The following SLC6A11 variants were observed in gnomAD, a reference collection of about 807,000 sequenced individuals.
SLC6A11 encodes the protein sodium- and chloride-dependent GABA transporter 3.
A neutral mutation model predicts 74.8 loss-of-function variants in SLC6A11; 25 were observed. That is an observed-to-expected ratio of 0.33 (90% CI 0.24 to 0.47). SLC6A11 has a LOEUF of 0.47. SLC6A11 is among the 20% of genes least tolerant of loss of function. The pLI is 1.00. For missense variants in SLC6A11, 574 were observed against 837.0 expected, an observed-to-expected ratio of 0.69 and a Z score of 3.88; for synonymous variants, 330 against 330.2, an observed-to-expected ratio of 1.00 and a Z score of 0.01.
chr3:10,891,639 T>A (rs1182064279), intron 6 of SLC6A11, among the ~76,000 whole-genome samples: 1 of 152,208 alleles, frequency 6.6e-6, no homozygotes, highest in East Asian at 1.9e-4. Flanking sequence ...GTCCAACTTC[T>A]TCTTTTGTTG....
chr3:10,888,361 A>T lies in SLC6A11; in HGVS notation c.891+13266A>T, dbSNP rs891877754. Among the ~76,000 whole-genome samples the T allele has an allele frequency of 2.5e-3, 387 of 152,336 alleles. 10 individuals are homozygous for T. The highest frequency in any genetic ancestry group is 4.0e-4 in the Non-Finnish European group (27 of 68,034). ...TTGGGGGAAAATGAGGCTGCTATCA[A>T]ATGACCTTGAGTTTCGAGGAGTATG... On this transcript the variant is annotated intron_variant, in intron 6 of 13. Transcript: ENST00000254488.
At chr3:10,820,486 C>T (rs888682252) in intron 3 of SLC6A11, among the ~76,000 whole-genome samples, 5 of 152,172 alleles carry the variant, frequency 3.3e-5, no homozygotes, top group Non-Finnish European at 7.3e-5. Flanking sequence ...CACATCCGTC[C>T]TGGAGTTAGC....
rs777898026 is a variant in SLC6A11, at chr3:10,844,195, TC to T, written c.624-17del. The T allele has an allele frequency of 3.7e-6, 6 of 1,614,138 alleles. No homozygotes were observed. Among genetic ancestry groups the T allele is most frequent in the Non-Finnish European group, 3.4e-6 (4 of 1,180,016 alleles). On this transcript the variant is annotated intron_variant, in intron 4 of 13. Coordinates refer to ENST00000254488, the MANE Select transcript of SLC6A11 (RefSeq NM_014229.3). ...GGGCCAGCCCCAGCCCCAGTGACTCTCCACCCTCCCTTCTGCAGGCACCGGG... is the reference window on the plus strand; with the variant it reads ...GGGCCAGCCCCAGCCCCAGTGACTCTCACCCTCCCTTCTGCAGGCACCGGG...
chr3:10,890,854 G>T (rs576648825), intron 6 of SLC6A11, among the ~76,000 whole-genome samples: 1 of 152,312 alleles, frequency 6.6e-6, no homozygotes, highest in South Asian at 2.1e-4. Flanking sequence ...TCACTTGAGT[G>T]GTAGTTTAGC....
chr3:10,893,330 C>G (rs543039080), intron 6 of SLC6A11, among the ~76,000 whole-genome samples: 3 of 152,142 alleles, frequency 2.0e-5, no homozygotes, highest in Non-Finnish European at 2.9e-5. Flanking sequence ...TCTCTTGACT[C>G]GTGGAAGACT....
intron 6 of SLC6A11, among the ~76,000 whole-genome samples, chr3:10,887,635 AG>A (rs1695060972): frequency 6.6e-6 from 1 of 152,072 alleles, no homozygotes; most frequent in African/African-American, 2.4e-5. Flanking sequence ...TAGTACAGAC[AG>A]GGTTTCACCA....
chr3:10,870,217 C>T (rs546317330), intron 5 of SLC6A11, among the ~76,000 whole-genome samples: 9 of 152,220 alleles, frequency 5.9e-5, no homozygotes, highest in African/African-American at 1.7e-4. Flanking sequence ...CTTGTGTGAC[C>T]CTCATTGTGT....
Position 10,816,654 on chromosome 3 carries a change from C to G in SLC6A11, c.256+133C>G. On this transcript the variant is annotated intron_variant, in intron 1 of 13. Transcript: ENST00000254488. This position sits in a 1 kb window ranked among gnomAD's most constrained non-coding sequence, Gnocchi z 4.2. ...GAGCGGAGAACCTCGACTCCAGGCA[C>G]CTCGCGTGTGAGCTCGCCCCGGAGC... 1 of 975,642 alleles carries G rather than the reference C, an allele frequency of 1.0e-6. No homozygotes were observed. Among genetic ancestry groups the G allele is most frequent in the East Asian group, 3.2e-5 (1 of 31,282 alleles). The allele number at this position is 975,642 out of a possible 1,614,324, so 60.4% of individuals were successfully genotyped here.
chr3:10,890,337 A>G (rs1175468789), intron 6 of SLC6A11, among the ~76,000 whole-genome samples: 3 of 152,192 alleles, frequency 2.0e-5, no homozygotes, highest in Admixed American at 2.0e-4. Flanking sequence ...GCAGAGTTCT[A>G]AGAATGCCCA....
At chr3:10,882,739 G>T (rs1205153652) in intron 6 of SLC6A11, among the ~76,000 whole-genome samples, 1 of 152,210 alleles carries the variant, frequency 6.6e-6, no homozygotes, top group Non-Finnish European at 1.5e-5. Context: ...GGTGTAGTGG[G>T]ATCTGGTGTG....
chr3:10,887,094 CGGATGGAT>C (rs57825266), intron 6 of SLC6A11, among the ~76,000 whole-genome samples: 2 of 150,730 alleles, frequency 1.3e-5, no homozygotes, highest in African/African-American at 2.4e-5. Flanking sequence ...GGCAGACAGA[CGGATGGAT>C]GGATGGATGG....
intron 1 of SLC6A11, among the ~76,000 whole-genome samples, chr3:10,817,773 C>A (rs2106568311): frequency 6.6e-6 from 1 of 152,302 alleles, no homozygotes; most frequent in East Asian, 1.9e-4. Flanking sequence ...CAAGCCTGCT[C>A]TGCACTGGTA....
At position 10,891,329 on chromosome 3, in the gene SLC6A11, C is replaced by T. The variant is rs142958996; in HGVS notation, c.891+16234C>T. 4.6e-5 allele frequency among the ~76,000 whole-genome samples: 7 copies of T among 152,172 alleles called. No homozygotes were observed. In the East Asian group the frequency reaches 1.4e-3, roughly 29 times the overall value. ...CTGTAACTGTCATAAAAATATTAAC[C>T]CTCAGCATTTACTTTTCTTTATCTG... is the stretch of plus-strand genomic sequence containing the variant. On this transcript the variant is annotated intron_variant, in intron 6 of 13. Coordinates refer to ENST00000254488, the MANE Select transcript of SLC6A11 (RefSeq NM_014229.3).
chr3:10,883,239 C>T (rs1695004275), intron 6 of SLC6A11, among the ~76,000 whole-genome samples: 2 of 152,190 alleles, frequency 1.3e-5, no homozygotes, highest in African/African-American at 2.4e-5. Flanking sequence ...CTGTCAGCCC[C>T]GTGTTCTCTC....
intron 6 of SLC6A11, among the ~76,000 whole-genome samples, chr3:10,881,788 A>G (rs556656629): frequency 6.6e-6 from 1 of 152,328 alleles, no homozygotes; most frequent in African/African-American, 2.4e-5. Context: ...CATCCCCACC[A>G]GAGCGATGAG....
intron 6 of SLC6A11, among the ~76,000 whole-genome samples, chr3:10,876,268 G>T (rs1391519344): frequency 6.6e-6 from 1 of 152,194 alleles, no homozygotes; most frequent in Non-Finnish European, 1.5e-5. Flanking sequence ...ATACCACTAG[G>T]CACCTGCATG....
At position 10,819,695 on chromosome 3, in the gene SLC6A11, T is replaced by A. The variant is rs751868773; in HGVS notation, c.392-17T>A. 1.9e-6 allele frequency: 3 copies of A among 1,612,610 alleles called. No individual in the cohort carries two copies. In the South Asian group the frequency reaches 3.3e-5, roughly 18 times the overall value. On this transcript the variant is annotated splice_polypyrimidine_tract_variant and intron_variant, in intron 2 of 13. Transcript: ENST00000254488. ...AAAAGATAGACTCAAATTCCTTCCTTTCTTTTGTCCTTTCAGGCATTGGCT... is the reference window on the plus strand; with the variant it reads ...AAAAGATAGACTCAAATTCCTTCCTATCTTTTGTCCTTTCAGGCATTGGCT...
At chr3:10,873,548 T>TCCTATGGCATGCTATCCTATCCTCC (rs1553671160) in intron 5 of SLC6A11, among the ~76,000 whole-genome samples, 2 of 139,268 alleles carry the variant, frequency 1.4e-5, no homozygotes, top group East Asian at 2.2e-4. Flanking sequence ...TCCTATCCTA[T>TCCTATGGCATGCTATCCTATCCTCC]CCTACCCTAC....
rs1158974745 is a variant in SLC6A11, at chr3:10,915,270, G to A, written c.996-3059G>A. ...CAGTGGCAGCTTCATTCCCCACTGA[G>A]TGCGTGGAGGATGTATGCTGTCAGC... is the stretch of plus-strand genomic sequence containing the variant. On this transcript the variant is annotated intron_variant, in intron 7 of 13. Transcript: ENST00000254488. The surrounding 1 kb of genome is among the most constrained non-coding windows in gnomAD (Gnocchi z 4.3). Among the ~76,000 whole-genome samples the A allele has an allele frequency of 6.6e-6, 1 of 152,144 alleles. No individual in the cohort carries two copies. The highest frequency in any genetic ancestry group is 1.9e-4 in the East Asian group (1 of 5,186).
Sources: allele counts gnomAD v4.1 joint callset (sites outside exome capture counted in the v4.1 genomes callset), GRCh38; gene constraint gnomAD v4.1.1; non-coding constraint Gnocchi (gnomAD v3.1); transcripts MANE v1.5; gene names NCBI Gene and HGNC (gene_info 2026-07-23, HGNC 2026-07-21).